GTF3C5: variants seen among roughly 807,000 people sequenced by gnomAD.
GTF3C5 encodes general transcription factor IIIC subunit 5.
Under a neutral mutation model 61.0 loss-of-function variants are expected in GTF3C5, and 47 were observed. The observed-to-expected ratio is 0.77, with a 90% CI of 0.61 to 0.98. The LOEUF is 0.98. GTF3C5 is among the 50% of genes least tolerant of loss of function. The pLI is 0.00. For missense variants in GTF3C5, 659 were observed against 703.3 expected (o/e 0.94, Z 0.71); for synonymous variants, 295 against 275.4 (o/e 1.07, Z -0.71).
At chr9:133,043,574 G>T (rs1850100640) in intron 2 of GTF3C5, among the ~76,000 whole-genome samples, 154 bp from the exon 3 acceptor site, 1 of 152,152 alleles carries the variant, frequency 6.6e-6, no homozygotes, top group African/African-American at 2.4e-5. Context: ...CTTTGCAGAG[G>T]CATTTGGGAA....
chr9:133,047,583 G>A (rs541091938), intron 3 of GTF3C5, among the ~76,000 whole-genome samples: 28 of 151,394 alleles, frequency 1.8e-4, no homozygotes, highest in Admixed American at 3.3e-4. Flanking sequence ...ATGCAGTGGC[G>A]CGATCTCGGC....
chr9:133,047,864 C>T (rs952912584), intron 3 of GTF3C5, among the ~76,000 whole-genome samples: 2 of 152,198 alleles, frequency 1.3e-5, no homozygotes, highest in South Asian at 4.1e-4. Flanking sequence ...GTGGCTCATG[C>T]CTGTAATTCC....
intron 8 of GTF3C5, chr9:133,055,406 G>A: frequency 2.3e-6 from 3 of 1,280,648 alleles, no homozygotes; most frequent in Middle Eastern, 4.3e-4. Flanking sequence ...GGGACTTGCT[G>A]TCCCCCAGTG....
In GTF3C5 at chr9:133,050,418, C is replaced by G. The variant is rs141327320; in HGVS notation, c.573-365C>G. ...CAGCTGCTGGACATTAGACTCTGTC[C>G]AGTTTTTCACTGGCTGGACAGTGCT... On this transcript the variant is annotated intron_variant, in intron 3 of 10. Transcript: ENST00000372097. Among the ~76,000 whole-genome samples, 8 of 152,350 alleles carry G rather than the reference C, an allele frequency of 5.3e-5. No individual in the cohort carries two copies. In the East Asian group the frequency reaches 1.5e-3, roughly 29 times the overall value.
chr9:133,047,688 A>T (rs1178624513), intron 3 of GTF3C5, among the ~76,000 whole-genome samples: 1 of 152,074 alleles, frequency 6.6e-6, no homozygotes, highest in African/African-American at 2.4e-5. Flanking sequence ...CGCCCAGCTA[A>T]CTTTTGTATT....
chr9:133,038,750 C>T (rs1278855888), intron 1 of GTF3C5, among the ~76,000 whole-genome samples: 3 of 151,974 alleles, frequency 2.0e-5, no homozygotes, highest in Admixed American at 6.6e-5. Context: ...AGCCACTGCG[C>T]CCGGCTCCTA....
At position 133,054,916 on chromosome 9, in the gene GTF3C5, G is replaced by A. The variant is rs1047973437; in HGVS notation, c.1167+107G>A. ...TGTGATTAGGGCAGCTCTGCCCACC[G>A]GGGCCTCGGCACCTTGCTTCCTTTT... is the stretch of plus-strand genomic sequence containing the variant. On this transcript the variant is annotated intron_variant, in intron 8 of 10. Transcript: ENST00000372097. 22 of 1,543,490 alleles carry A rather than the reference G, an allele frequency of 1.4e-5. No individual in the cohort carries two copies. The African/African-American group carries it at 1.5e-4, about 11-fold the overall frequency.
chr9:133,031,485 G>C (rs1470796411), intron 1 of GTF3C5, among the ~76,000 whole-genome samples: 1 of 152,140 alleles, frequency 6.6e-6, no homozygotes, highest in African/African-American at 2.4e-5. Flanking sequence ...CAGAGTAGCT[G>C]GGATTACAGG....
chr9:133,056,924 G>T lies in GTF3C5; in HGVS notation c.1393+16G>T, dbSNP rs766930351. 12 of 1,566,876 alleles carry T rather than the reference G, an allele frequency of 7.7e-6. No homozygotes were observed. In the South Asian group the frequency reaches 1.4e-4, roughly 18 times the overall value. On this transcript the variant is annotated intron_variant, in intron 10 of 10. Coordinates refer to ENST00000372097, the MANE Select transcript of GTF3C5 (RefSeq NM_012087.4). ...AAGAGGCCTGGTAAGAGCCGCTTGG[G>T]GTAAAGGGGGTCCAGGATGCCTGGT...
chr9:133,057,107 C>T (rs1829961390), intron 10 of GTF3C5, among the ~76,000 whole-genome samples, 199 bp downstream of exon 10: 1 of 152,250 alleles, frequency 6.6e-6, no homozygotes, highest in Non-Finnish European at 1.5e-5. Flanking sequence ...GAGGCTGCCT[C>T]AGCCGAGGCC....
intron 4 of GTF3C5, 46 bp downstream of exon 4, chr9:133,051,024 T>A: frequency 6.9e-7 from 1 of 1,443,014 alleles, no homozygotes; most frequent in South Asian, 1.3e-5. Flanking sequence ...AGCCTCTCTG[T>A]TGGCTTCCCG....
intron 3 of GTF3C5, among the ~76,000 whole-genome samples, chr9:133,045,423 A>G (rs1345222431): frequency 6.6e-6 from 1 of 152,222 alleles, no homozygotes; most frequent in Non-Finnish European, 1.5e-5. Context: ...ACTTTCTAAA[A>G]TGACGCACAA....
chr9:133,054,830 G>C, intron 8 of GTF3C5, 21 bp downstream of exon 8: 1 of 1,551,878 alleles, frequency 6.4e-7, no homozygotes, highest in Non-Finnish European at 8.7e-7. Context: ...CTGGAGGCCA[G>C]GAATGGAGGG....
chr9:133,054,063 G>T (rs1339297144), intron 6 of GTF3C5, 121 bp downstream of exon 6: 14 of 715,792 alleles, frequency 2.0e-5, no homozygotes, highest in Admixed American at 5.7e-5. Flanking sequence ...TTTTGCCCCC[G>T]TTGCTGAGAC....
At position 133,054,399 on chromosome 9, in the gene GTF3C5, C is replaced by T. The variant is rs7021286; in HGVS notation, c.989-9C>T. 214 of 1,613,526 alleles carry T rather than the reference C, an allele frequency of 1.3e-4. 1 individual carries two copies. In the African/African-American group the frequency reaches 2.4e-3, roughly 18 times the overall value. ...CCCGCCCACCTGACTTGCCCGCCCT[C>T]GCCTACAGGTTACGCCCCCAGTGAC... On this transcript the variant is annotated splice_polypyrimidine_tract_variant and intron_variant, in intron 6 of 10. Transcript: ENST00000372097.
At chr9:133,053,979 C>G (rs781676134) in intron 6 of GTF3C5, 37 bp downstream of exon 6, 2 of 1,189,224 alleles carry the variant, frequency 1.7e-6, no homozygotes, top group African/African-American at 3.0e-5. Flanking sequence ...CTGCCTTTCT[C>G]TCTCTTTATC....
chr9:133,033,130 A>T (rs777295871), intron 1 of GTF3C5, among the ~76,000 whole-genome samples: 10 of 152,148 alleles, frequency 6.6e-5, no homozygotes, highest in Non-Finnish European at 1.5e-4. Flanking sequence ...ATTTTTATTT[A>T]TAGTTAACCA....
At chr9:133,046,472 A>C (rs1013276929) in intron 3 of GTF3C5, among the ~76,000 whole-genome samples, 4 of 152,202 alleles carry the variant, frequency 2.6e-5, no homozygotes, top group Non-Finnish European at 5.9e-5. Context: ...TGGTGTGATA[A>C]CAGAAGCCTA....
At chr9:133,044,348 T>C in intron 3 of GTF3C5, 1 of 167,504 alleles carries the variant, frequency 6.0e-6, no homozygotes, top group South Asian at 1.7e-4. Context: ...GTGGGACATG[T>C]GGGTTCCTGC....
Sources: gnomAD v4.1 joint callset for allele counts (sites outside exome capture counted in the v4.1 genomes callset) on GRCh38, gnomAD v4.1.1 for gene constraint, MANE v1.5 for transcripts, NCBI Gene and HGNC (gene_info 2026-07-23, HGNC 2026-07-21) for gene names.